Variants in ROBO2 observed in about 807,000 individuals in gnomAD.
ROBO2 encodes the protein roundabout homolog 2.
Under a neutral mutation model 160.8 loss-of-function variants are expected in ROBO2, and 53 were observed. That is an observed-to-expected ratio of 0.33 (90% CI 0.26 to 0.41). ROBO2 has a LOEUF of 0.41. Among genes scored for constraint, ROBO2 ranks in the 10% least tolerant of loss-of-function variants. The probability of loss-of-function intolerance (pLI) is 1.00; values close to 1 mark genes in which losing one functional copy is unlikely to be tolerated. For missense variants in ROBO2, 1,577 were observed against 1,722.4 expected, an observed-to-expected ratio of 0.92 and a Z score of 1.49; for synonymous variants, 664 against 611.7, an observed-to-expected ratio of 1.09 and a Z score of -1.26.
intron 2 of ROBO2, among the ~76,000 whole-genome samples, chr3:76,706,481 C>T (rs567180039): frequency 6.6e-6 from 1 of 152,024 alleles, no homozygotes; most frequent in Non-Finnish European, 1.5e-5. Flanking sequence ...CTGATCCCTC[C>T]CCCAGCCTCC....
intron 2 of ROBO2, among the ~76,000 whole-genome samples, chr3:76,580,328 G>GTTTTTTTTTTTTTTTTTTT (rs748888426): frequency 1.0e-4 from 7 of 67,324 alleles, no homozygotes; most frequent in Admixed American, 1.7e-4. Flanking sequence ...TTTTTTTTTT[G>GTTTTTTTTTTTTTTTTTTT]TTTTTTTTTT....
intron 2 of ROBO2, among the ~76,000 whole-genome samples, chr3:76,657,597 T>G (rs1333226555): frequency 7.0e-6 from 1 of 143,530 alleles, no homozygotes; most frequent in East Asian, 2.0e-4. Context: ...AAAATATATA[T>G]ATGTATATAT....
rs1334263217 is a variant in ROBO2 at position 76,049,409 on chromosome 3, T to A, written c.109+111807T>A. On this transcript the variant is annotated intron_variant, in intron 2 of 26. Coordinates refer to the ROBO2 transcript ENST00000487694. Reference sequence around the variant, plus strand: ...TATATATATATATATATATATTTTTTTTTTTTTTTTTTTTTGTAGAGACAG... The same window carrying A: ...TATATATATATATATATATATTTTTATTTTTTTTTTTTTTTGTAGAGACAG... Among the ~76,000 whole-genome samples the A allele has an allele frequency of 8.7e-3, 781 of 89,688 alleles. 2 individuals carry two copies. The highest frequency in any genetic ancestry group is 0.033 in the African/African-American group (678 of 20,450). 58.8% of individuals were successfully genotyped at this position (89,688 alleles called of 152,430 possible). A position where few individuals can be genotyped will look rare whatever the true frequency, so the allele number is the denominator to read the frequency against.
intron 2 of ROBO2, among the ~76,000 whole-genome samples, chr3:77,177,643 G>A (rs1484414638): frequency 1.3e-5 from 2 of 151,946 alleles, no homozygotes; most frequent in East Asian, 1.9e-4. Flanking sequence ...GAGCTTGATT[G>A]AATCCACAGA....
chr3:76,277,348 C>A (rs1707986246), intron 2 of ROBO2, among the ~76,000 whole-genome samples: 1 of 151,948 alleles, frequency 6.6e-6, no homozygotes, highest in Non-Finnish European at 1.5e-5. Flanking sequence ...CAATGCTGTG[C>A]TTTGATTACA....
intron 2 of ROBO2, among the ~76,000 whole-genome samples, chr3:76,658,054 G>A (rs1413020019): frequency 1.4e-5 from 2 of 141,250 alleles, no homozygotes; most frequent in East Asian, 2.1e-4. Flanking sequence ...GTGACAGAGC[G>A]AGATCCTGTC....
chr3:77,376,843 C>T (rs552102750), intron 2 of ROBO2, among the ~76,000 whole-genome samples: 1 of 152,316 alleles, frequency 6.6e-6, no homozygotes, highest in East Asian at 1.9e-4. Flanking sequence ...TGACCACCCA[C>T]TTGCCATTTC....
chr3:76,985,599 A>G (rs1210699184), intron 2 of ROBO2, among the ~76,000 whole-genome samples: 1 of 151,150 alleles, frequency 6.6e-6, no homozygotes, highest in Non-Finnish European at 1.5e-5. Context: ...AAAAAAAAAA[A>G]AAAAAAGAAG....
At chr3:76,438,712 G>C (rs547854654) in intron 2 of ROBO2, among the ~76,000 whole-genome samples, 3 of 151,918 alleles carry the variant, frequency 2.0e-5, no homozygotes, top group Non-Finnish European at 4.4e-5. Flanking sequence ...AGGAATAATT[G>C]GATGTAAATT....
chr3:77,251,339 T>C (rs2090322576), intron 2 of ROBO2, among the ~76,000 whole-genome samples: 1 of 152,144 alleles, frequency 6.6e-6, no homozygotes, highest in Admixed American at 6.5e-5. Flanking sequence ...CTGGACTCGC[T>C]TGAATTACAA....
intron 2 of ROBO2, among the ~76,000 whole-genome samples, chr3:76,693,670 T>C (rs1019978275): frequency 6.6e-6 from 1 of 152,058 alleles, no homozygotes; most frequent in Admixed American, 6.6e-5. Context: ...CGTGTATCTC[T>C]CAATCTCTCA....
intron 5 of ROBO2, among the ~76,000 whole-genome samples, chr3:77,495,049 CAAG>C (rs1410065152): frequency 2.0e-5 from 3 of 152,142 alleles, no homozygotes; most frequent in Admixed American, 6.5e-5. Context: ...GGTTAGAAAA[CAAG>C]GAGAGTTTAC....
At chr3:77,171,211 A>T (rs2079601289) in intron 2 of ROBO2, among the ~76,000 whole-genome samples, 1 of 152,208 alleles carries the variant, frequency 6.6e-6, no homozygotes, top group African/African-American at 2.4e-5. Flanking sequence ...ACACTAGAGG[A>T]TATAACTGGC....
intron 2 of ROBO2, among the ~76,000 whole-genome samples, chr3:77,164,392 G>GT: frequency 1.0e-5 from 1 of 98,332 alleles, no homozygotes; most frequent in Non-Finnish European, 2.8e-5. Context: ...GGGAGGTGGG[G>GT]GGTCAGCCCC....
chr3:77,622,694 A>C (rs961265555), intron 23 of ROBO2, among the ~76,000 whole-genome samples: 7 of 152,208 alleles, frequency 4.6e-5, no homozygotes, highest in African/African-American at 1.7e-4. Context: ...TTTCATGAGA[A>C]GTTCACTCTA....
Position 77,010,540 on chromosome 3 carries a change from C to G in ROBO2, c.110-87474C>G, listed in dbSNP as rs1402008202. On this transcript the variant is annotated intron_variant, in intron 2 of 26. Coordinates refer to the ROBO2 transcript ENST00000487694. ...AACCTCAGAGCTGATCAGACGCTCC[C>G]AAATTATGGGCTCCTTCTCAGTCCT... Among the ~76,000 whole-genome samples, 4 of 152,220 alleles carry G rather than the reference C, an allele frequency of 2.6e-5. No homozygotes were observed. In the East Asian group the frequency reaches 7.8e-4, roughly 29 times the overall value.
At chr3:77,635,179 C>A in intron 24 of ROBO2, 136 bp downstream of exon 25, 1 of 866,702 alleles carries the variant, frequency 1.2e-6, no homozygotes, top group Non-Finnish European at 1.8e-6. Flanking sequence ...GCAATATGGC[C>A]TTGTTTAAAT....
intron 2 of ROBO2, among the ~76,000 whole-genome samples, chr3:76,699,201 C>T (rs1220174076): frequency 6.6e-6 from 1 of 152,144 alleles, no homozygotes; most frequent in Non-Finnish European, 1.5e-5. Flanking sequence ...AGATCTTTTC[C>T]GACCTCTAAG....
chr3:77,321,823 T>C (rs1258788155), intron 2 of ROBO2, among the ~76,000 whole-genome samples: 2 of 152,054 alleles, frequency 1.3e-5, no homozygotes, highest in African/African-American at 2.4e-5. Context: ...AATGGAAATA[T>C]GTACAACAAA....
Sources: allele counts gnomAD v4.1 joint callset (sites outside exome capture counted in the v4.1 genomes callset), GRCh38; gene constraint gnomAD v4.1.1; transcripts MANE v1.5; gene names NCBI Gene and HGNC (gene_info 2026-07-23, HGNC 2026-07-21).